THRB: variants seen among roughly 807,000 people sequenced by gnomAD.
THRB encodes thyroid hormone receptor beta, also known as nuclear receptor subfamily 1 group A member 2.
THRB carries 12 observed loss-of-function variants against 47.8 expected under a neutral mutation model. The ratio of observed to expected loss-of-function variants is 0.25; its 90% confidence interval spans 0.16 to 0.41. The LOEUF (loss-of-function observed/expected upper bound fraction) is 0.41. THRB is among the 10% of genes least tolerant of loss of function. The pLI is 1.00. For synonymous variants in THRB, 218 were observed against 212.2 expected, an observed-to-expected ratio of 1.03 and a Z score of -0.24; for missense variants, 348 against 589.2, an observed-to-expected ratio of 0.59 and a Z score of 4.24.
At chr3:24,194,262 C>A (rs1199877423) in intron 4 of THRB, among the ~76,000 whole-genome samples, 2 of 152,102 alleles carry the variant, frequency 1.3e-5, no homozygotes. Flanking sequence ...TCCCCAAAAA[C>A]CTATTGAAAT....
chr3:24,293,527 G>T (rs1261385048), intron 3 of THRB, among the ~76,000 whole-genome samples: 1 of 152,126 alleles, frequency 6.6e-6, no homozygotes, highest in African/African-American at 2.4e-5. Flanking sequence ...TAATCAAATT[G>T]TATCATTTTG....
chr3:24,420,981 A>C (rs2069203558), intron 1 of THRB, among the ~76,000 whole-genome samples: 2 of 151,986 alleles, frequency 1.3e-5, no homozygotes, highest in South Asian at 2.1e-4. Flanking sequence ...GGAAAAAGAA[A>C]ACGTGGTACA....
At chr3:24,188,559 A>C (rs2042896667) in intron 5 of THRB, among the ~76,000 whole-genome samples, 1 of 152,060 alleles carries the variant, frequency 6.6e-6, no homozygotes, top group Non-Finnish European at 1.5e-5. Context: ...GAATATTGGT[A>C]TCAATTGTGA....
At chr3:24,162,311 C>A (rs1270079219) in intron 5 of THRB, among the ~76,000 whole-genome samples, 2 of 152,060 alleles carry the variant, frequency 1.3e-5, no homozygotes, top group African/African-American at 4.8e-5. Flanking sequence ...TTACTGCCTT[C>A]TTCTCCTGAA....
intron 1 of THRB, among the ~76,000 whole-genome samples, chr3:24,357,367 A>C (rs28419438): frequency 8.2e-5 from 12 of 146,764 alleles, no homozygotes; most frequent in East Asian, 3.9e-4. Flanking sequence ...AAAAAAAAAA[A>C]AAAAAAACAA....
Position 24,219,653 on chromosome 3 carries a change from T to G in THRB, c.22+9285A>C, listed in dbSNP as rs188102606. Among the ~76,000 whole-genome samples, 124 of 152,220 alleles carry G rather than the reference T, an allele frequency of 8.1e-4. 1 individual carries two copies. Among genetic ancestry groups the G allele is most frequent in the African/African-American group, 2.9e-3 (122 of 41,522 alleles). On this transcript the variant is annotated intron_variant, in intron 4 of 10. Transcript: ENST00000646209. ...GTCAGGTTAGGCCTAGATTAAAGGG[T>G]AATATTTTAGATTTTTTTGTAGGTA...
chr3:24,434,774 G>A (rs550603797), intron 1 of THRB, among the ~76,000 whole-genome samples: 7 of 152,288 alleles, frequency 4.6e-5, no homozygotes, highest in African/African-American at 1.4e-4. Context: ...AGAATGATGA[G>A]TGCAAATGCA....
At chr3:24,330,570 A>G (rs181410715) in intron 2 of THRB, among the ~76,000 whole-genome samples, 1 of 152,342 alleles carries the variant, frequency 6.6e-6, no homozygotes, top group East Asian at 1.9e-4. Flanking sequence ...CCACTGTTTT[A>G]CAGTTGGTGT....
intron 4 of THRB, among the ~76,000 whole-genome samples, chr3:24,212,024 G>T (rs2046080140): frequency 6.6e-6 from 1 of 152,214 alleles, no homozygotes; most frequent in Non-Finnish European, 1.5e-5. Flanking sequence ...AGCACTTTGG[G>T]AGGCTGAGGC....
chr3:24,145,450 T>C (rs1457069204), intron 7 of THRB, among the ~76,000 whole-genome samples: 1 of 152,174 alleles, frequency 6.6e-6, no homozygotes, highest in Non-Finnish European at 1.5e-5. Context: ...AATAGAACAC[T>C]GAAATAGATA....
intron 3 of THRB, among the ~76,000 whole-genome samples, chr3:24,252,493 A>T (rs190897383): frequency 6.6e-6 from 1 of 152,194 alleles, no homozygotes; most frequent in Non-Finnish European, 1.5e-5. Context: ...TGTAACAAAT[A>T]AAAGCCCTAG....
intron 2 of THRB, among the ~76,000 whole-genome samples, chr3:24,298,229 G>A (rs2151049952): frequency 6.6e-6 from 1 of 152,280 alleles, no homozygotes; most frequent in East Asian, 1.9e-4. Context: ...GAGATTGAAA[G>A]TGAGTGCCTT....
intron 1 of THRB, among the ~76,000 whole-genome samples, chr3:24,339,672 A>G (rs1038166230): frequency 6.6e-6 from 1 of 152,138 alleles, no homozygotes; most frequent in Non-Finnish European, 1.5e-5. Context: ...CAAGTAGACA[A>G]ATTGAAAGTG....
intron 2 of THRB, among the ~76,000 whole-genome samples, chr3:24,329,646 A>G (rs1177477001): frequency 2.0e-5 from 3 of 152,226 alleles, no homozygotes; most frequent in African/African-American, 7.2e-5. Flanking sequence ...TATCCTTTCC[A>G]CCACAGACAG....
chr3:24,386,567 T>C (rs2066122799), intron 1 of THRB, among the ~76,000 whole-genome samples: 1 of 152,094 alleles, frequency 6.6e-6, no homozygotes, highest in Non-Finnish European at 1.5e-5. Flanking sequence ...TTCACCTCTC[T>C]ACCTTACGTT....
intron 4 of THRB, among the ~76,000 whole-genome samples, chr3:24,221,783 G>C (rs368846550): frequency 1.3e-5 from 2 of 152,194 alleles, no homozygotes; most frequent in Admixed American, 1.3e-4. Flanking sequence ...TCTAAGAGTT[G>C]CTGGGAGATT....
chr3:24,179,028 AAAAT>A (rs1356894322), intron 5 of THRB, among the ~76,000 whole-genome samples: 4 of 152,332 alleles, frequency 2.6e-5, no homozygotes, highest in East Asian at 1.9e-4. Context: ...AAAGAGATAA[AAAAT>A]AAATAAATAA....
rs963243399 is a variant in THRB, at chr3:24,186,876, T to C, written c.283+3198A>G. Among the ~76,000 whole-genome samples, 30 of 132,108 alleles carry C rather than the reference T, an allele frequency of 2.3e-4. No homozygotes were observed. The Admixed American group carries it at 2.7e-3, about 12-fold the overall frequency. The allele number at this position is 132,108 out of a possible 152,430, so 86.7% of individuals were successfully genotyped here. A position where few individuals can be genotyped will look rare whatever the true frequency, so the allele number is the denominator to read the frequency against. ...AGGAGAATTGCTTGAACCTGGGAGGTAGAGGTTGCAGTGAGCCGAGATTGC... is the reference window on the plus strand; with the variant it reads ...AGGAGAATTGCTTGAACCTGGGAGGCAGAGGTTGCAGTGAGCCGAGATTGC... On this transcript the variant is annotated intron_variant, in intron 5 of 10. Coordinates refer to ENST00000646209, the MANE Select transcript of THRB (RefSeq NM_001354712.2).
intron 2 of THRB, among the ~76,000 whole-genome samples, chr3:24,314,515 CT>C (rs894340440): frequency 6.6e-6 from 1 of 151,926 alleles, no homozygotes; most frequent in Admixed American, 6.6e-5. Context: ...GAGGAGAGGT[CT>C]TTTTTTTAAA....
Sources: allele counts gnomAD v4.1 joint callset (sites outside exome capture counted in the v4.1 genomes callset), GRCh38; gene constraint gnomAD v4.1.1; transcripts MANE v1.5; gene names NCBI Gene and HGNC (gene_info 2026-07-23, HGNC 2026-07-21).